CDK13: variants seen among roughly 807,000 people sequenced by gnomAD.
CDK13 encodes the protein cyclin-dependent kinase 13.
Under a neutral mutation model 137.6 loss-of-function variants are expected in CDK13, and 40 were observed. The observed-to-expected ratio is 0.29, with a 90% confidence interval of 0.23 to 0.38. CDK13 has a LOEUF of 0.38. CDK13 is among the 10% of genes least tolerant of loss of function. The probability of loss-of-function intolerance (pLI) is 1.00; values close to 1 mark genes in which losing one functional copy is unlikely to be tolerated. For missense variants in CDK13, 1,704 were observed against 1,951.8 expected, an observed-to-expected ratio of 0.87 and a Z score of 2.39; for synonymous variants, 869 against 760.1, an observed-to-expected ratio of 1.14 and a Z score of -2.36.
At chr7:39,962,880 A>G (rs1434499906) in intron 1 of CDK13, among the ~76,000 whole-genome samples, 1 of 152,218 alleles carries the variant, frequency 6.6e-6, no homozygotes, top group Non-Finnish European at 1.5e-5. Flanking sequence ...TTAAATAGGG[A>G]ATCCTTTCCC....
intron 2 of CDK13, among the ~76,000 whole-genome samples, chr7:39,989,097 A>G (rs1482807805): frequency 6.9e-6 from 1 of 144,398 alleles, no homozygotes; most frequent in Non-Finnish European, 1.5e-5. Flanking sequence ...AAAAAAAAAA[A>G]AAAAAAAAAA....
chr7:40,024,416 T>C (rs149293921), intron 5 of CDK13, among the ~76,000 whole-genome samples: 2 of 152,232 alleles, frequency 1.3e-5, no homozygotes, highest in African/African-American at 4.8e-5. Flanking sequence ...CTCGCCACTT[T>C]ATAAAGATAA....
chr7:40,041,975 AATGAG>A (rs1785616043), intron 5 of CDK13, among the ~76,000 whole-genome samples: 1 of 152,178 alleles, frequency 6.6e-6, no homozygotes, highest in Non-Finnish European at 1.5e-5. Flanking sequence ...TTTGTTTAGT[AATGAG>A]ATTAAATATT....
At chr7:40,050,432 C>T (rs988978526) in intron 7 of CDK13, among the ~76,000 whole-genome samples, 4 of 152,180 alleles carry the variant, frequency 2.6e-5, no homozygotes, top group African/African-American at 9.7e-5. Flanking sequence ...CACTCTGTCG[C>T]CTAGGCTGGA....
intron 1 of CDK13, among the ~76,000 whole-genome samples, chr7:39,955,656 A>T (rs188130145): frequency 6.6e-6 from 1 of 152,258 alleles, no homozygotes; most frequent in East Asian, 1.9e-4. Context: ...TGAATCTTCT[A>T]AAGATTCTTT....
chr7:40,075,557 G>A (rs926748328), intron 9 of CDK13, among the ~76,000 whole-genome samples: 3 of 152,014 alleles, frequency 2.0e-5, no homozygotes, highest in African/African-American at 7.2e-5. Context: ...CCAGATGCTA[G>A]CTCATTTAAT....
chr7:40,086,938 G>A (rs753325383), intron 11 of CDK13, among the ~76,000 whole-genome samples: 17 of 148,936 alleles, frequency 1.1e-4, no homozygotes, highest in Non-Finnish European at 8.9e-5. Flanking sequence ...TCAGCTTCCC[G>A]AGTAGCTGGG....
chr7:39,978,035 G>A (rs1004649024), intron 1 of CDK13, among the ~76,000 whole-genome samples: 6 of 152,040 alleles, frequency 3.9e-5, no homozygotes, highest in African/African-American at 1.4e-4. Flanking sequence ...TGAAGAGGAA[G>A]CTTAATAGTT....
At chr7:40,047,012 CAAAAAAA>C (rs398040131) in intron 6 of CDK13, among the ~76,000 whole-genome samples, 2 of 65,826 alleles carry the variant, frequency 3.0e-5, no homozygotes, top group Admixed American at 1.9e-4. Context: ...GACTCGGTCT[CAAAAAAA>C]AAAAAAAAAA....
At chr7:39,997,296 T>A (rs967247893) in intron 2 of CDK13, among the ~76,000 whole-genome samples, 198 bp from the exon 3 acceptor site, 4 of 152,164 alleles carry the variant, frequency 2.6e-5, no homozygotes, top group African/African-American at 7.2e-5. Flanking sequence ...TAATTCTATA[T>A]CATTTTTACT....
Position 40,095,388 on chromosome 7 carries a change from G to A in CDK13, c.*408G>A, listed in dbSNP as rs1452486066. The A allele has an allele frequency of 6.5e-6, 1 of 153,698 alleles. No individual in the cohort carries two copies. Among genetic ancestry groups the A allele is most frequent in the Non-Finnish European group, 1.5e-5 (1 of 68,898 alleles). The allele number at this position is 153,698 out of a possible 1,614,324, so 9.5% of individuals were successfully genotyped here. ...CCTCCAGTTTTACAACAATCAGAAA[G>A]GGCACTGATTTATTTGGTATTTTTC... On this transcript the variant is annotated 3_prime_UTR_variant, in exon 14 of 14. Coordinates refer to ENST00000181839, the MANE Select transcript of CDK13 (RefSeq NM_003718.5).
At chr7:40,079,988 A>G (rs1345722925) in intron 11 of CDK13, among the ~76,000 whole-genome samples, 1 of 151,908 alleles carries the variant, frequency 6.6e-6, no homozygotes, top group Non-Finnish European at 1.5e-5. Context: ...AGTAATTTTT[A>G]TTTTATTTTT....
intron 5 of CDK13, among the ~76,000 whole-genome samples, chr7:40,016,457 A>G (rs888948277): frequency 6.6e-5 from 10 of 152,186 alleles, no homozygotes; most frequent in African/African-American, 2.4e-4. Context: ...ATGTGATAGG[A>G]GAGACTTTAT....
chr7:39,992,215 C>T (rs945434754), intron 2 of CDK13, among the ~76,000 whole-genome samples: 10 of 148,966 alleles, frequency 6.7e-5, no homozygotes, highest in African/African-American at 2.0e-4. Context: ...CACTTCTCCC[C>T]GAGATGAAGT....
chr7:40,041,139 A>G (rs955337752), intron 5 of CDK13, among the ~76,000 whole-genome samples: 1 of 152,232 alleles, frequency 6.6e-6, no homozygotes. Flanking sequence ...CAGCCTGGCC[A>G]ACATTGTGAA....
At chr7:39,991,729 G>T (rs1268281147) in intron 2 of CDK13, among the ~76,000 whole-genome samples, 2 of 152,044 alleles carry the variant, frequency 1.3e-5, no homozygotes, top group Admixed American at 1.3e-4. Flanking sequence ...GATTAACGAA[G>T]TGTTAACATT....
intron 9 of CDK13, chr7:40,072,558 A>C (rs1330449683): frequency 6.6e-6 from 1 of 152,212 alleles, no homozygotes; most frequent in Non-Finnish European, 1.5e-5. Context: ...TAGTTTTACC[A>C]CTGGTTTTGT....
chr7:40,049,072 A>AT (rs1562748908), intron 7 of CDK13: 1 of 145,876 alleles, frequency 6.9e-6, no homozygotes, highest in African/African-American at 2.8e-5. Context: ...GTGCACGCCT[A>AT]TAATCCCAGC....
chr7:40,036,812 G>A (rs1785496751), intron 5 of CDK13, among the ~76,000 whole-genome samples: 1 of 151,838 alleles, frequency 6.6e-6, no homozygotes, highest in Non-Finnish European at 1.5e-5. Context: ...TGAAATTGTA[G>A]TTACATTTAA....
Sources: gnomAD v4.1 joint callset for allele counts (sites outside exome capture counted in the v4.1 genomes callset) on GRCh38, gnomAD v4.1.1 for gene constraint, MANE v1.5 for transcripts, NCBI Gene and HGNC (gene_info 2026-07-23, HGNC 2026-07-21) for gene names.